The following ITGA2 variants were observed in gnomAD, a reference collection of about 807,000 sequenced individuals.
The protein encoded by ITGA2 is integrin alpha-2.
ITGA2 carries 101 observed loss-of-function variants against 146.3 expected under a neutral mutation model. That is an observed-to-expected ratio of 0.69 (90% CI 0.59 to 0.81). The LOEUF (loss-of-function observed/expected upper bound fraction) is 0.81. ITGA2 is among the 40% of genes least tolerant of loss of function. The pLI, the probability that ITGA2 is intolerant of heterozygous loss-of-function variation, is 0.00. For synonymous variants in ITGA2, 477 were observed against 487.1 expected, an observed-to-expected ratio of 0.98 and a Z score of 0.27; for missense variants, 1,281 against 1,402.7, an observed-to-expected ratio of 0.91 and a Z score of 1.39.
intron 16 of ITGA2, among the ~76,000 whole-genome samples, chr5:53,069,131 A>C (rs1745271520): frequency 6.6e-6 from 1 of 151,882 alleles, no homozygotes; most frequent in African/African-American, 2.4e-5. Context: ...TATTGAAAAT[A>C]ATAAAGTAAG....
At chr5:53,047,915 A>G (rs1280791464) in intron 4 of ITGA2, among the ~76,000 whole-genome samples, 3 of 152,202 alleles carry the variant, frequency 2.0e-5, no homozygotes, top group Admixed American at 6.5e-5. Flanking sequence ...AGTGTTTTGT[A>G]TCTATAGACC....
At chr5:53,018,328 G>T (rs1047443520) in intron 1 of ITGA2, among the ~76,000 whole-genome samples, 1 of 152,148 alleles carries the variant, frequency 6.6e-6, no homozygotes, top group Non-Finnish European at 1.5e-5. Flanking sequence ...AGCTGTCTTT[G>T]TGTCAGCTCA....
At chr5:53,015,124 T>C (rs765374177) in intron 1 of ITGA2, among the ~76,000 whole-genome samples, 2 of 152,184 alleles carry the variant, frequency 1.3e-5, no homozygotes, top group Non-Finnish European at 2.9e-5. Flanking sequence ...TGGTTATATG[T>C]TGCTTTCTGC....
At chr5:52,996,341 C>G (rs1423155667) in intron 1 of ITGA2, among the ~76,000 whole-genome samples, 6 of 152,052 alleles carry the variant, frequency 3.9e-5, no homozygotes, top group Admixed American at 3.9e-4. Flanking sequence ...AGGGGAGGAG[C>G]TTTGATGACT....
intron 1 of ITGA2, among the ~76,000 whole-genome samples, chr5:53,021,599 A>G (rs564340554): frequency 1.1e-4 from 17 of 152,300 alleles, no homozygotes; most frequent in Non-Finnish European, 2.4e-4. Context: ...CTAGTTGCTC[A>G]CTATCCTCTG....
At chr5:53,042,284 A>G (rs760289286) in intron 3 of ITGA2, 63 bp downstream of exon 3, 8 of 1,032,420 alleles carry the variant, frequency 7.7e-6, no homozygotes, top group African/African-American at 1.6e-5. Flanking sequence ...AAATAACATC[A>G]GAACAATCAT....
chr5:53,060,596 T>C (rs112829225), intron 11 of ITGA2, among the ~76,000 whole-genome samples: 40 of 152,046 alleles, frequency 2.6e-4, no homozygotes, highest in African/African-American at 9.4e-4. Context: ...AATACATTTA[T>C]TCATTCGTTC....
intron 1 of ITGA2, among the ~76,000 whole-genome samples, chr5:53,010,839 G>A (rs1742088453): frequency 6.6e-6 from 1 of 152,116 alleles, no homozygotes; most frequent in African/African-American, 2.4e-5. Flanking sequence ...TGGTGGTTAA[G>A]GATCTTGAGA....
In ITGA2 at chr5:53,075,370, A is replaced by G. The variant is rs531571729; in HGVS notation, c.2825+66A>G. 1.0e-5 allele frequency: 13 copies of G among 1,287,860 alleles called. No homozygotes were observed. In the Admixed American group the frequency reaches 1.9e-4, roughly 19 times the overall value. 79.8% of individuals were successfully genotyped at this position (1,287,860 alleles called of 1,614,324 possible). ...CTCTAGATCAGAAGATTTTTGGCTC[A>G]TGGCTAAAGAAGTCCTCTGTATGCT... On this transcript the variant is annotated intron_variant, in intron 23 of 29. Coordinates refer to ENST00000296585, the MANE Select transcript of ITGA2 (RefSeq NM_002203.4).
rs7737412 is a variant in ITGA2 at position 53,093,763 on chromosome 5, G to A, written c.*3164G>A. On this transcript the variant is annotated 3_prime_UTR_variant, in exon 30 of 30. Transcript: ENST00000296585. ...TATTCAAATTTCCATTTCATAAATG[G>A]TGTACAGACAAGGTCTATAGAATGT... The A allele has an allele frequency of 0.11, 16,912 of 152,500 alleles. 1,143 individuals are homozygous for A. The highest frequency in any genetic ancestry group is 0.18 in the African/African-American group (7,650 of 41,504). 9.4% of individuals were successfully genotyped at this position (152,500 alleles called of 1,614,324 possible).
At chr5:53,003,459 G>T (rs897781006) in intron 1 of ITGA2, among the ~76,000 whole-genome samples, 2 of 152,078 alleles carry the variant, frequency 1.3e-5, no homozygotes, top group African/African-American at 4.8e-5. Flanking sequence ...CATCTCACTC[G>T]AAGTCTCTCA....
chr5:53,073,966 A>AC (rs1745528704), intron 20 of ITGA2, among the ~76,000 whole-genome samples: 1 of 148,306 alleles, frequency 6.7e-6, no homozygotes, highest in South Asian at 2.1e-4. Context: ...AAAAAAAAAA[A>AC]CCCTCAAATT....
chr5:53,021,055 T>A (rs960846026), intron 1 of ITGA2, among the ~76,000 whole-genome samples: 3 of 152,138 alleles, frequency 2.0e-5, no homozygotes, highest in African/African-American at 7.2e-5. Context: ...ACACTCACAA[T>A]TGTACTGTTT....
At chr5:53,056,792 G>C (rs908388017) in intron 9 of ITGA2, among the ~76,000 whole-genome samples, 6 of 151,598 alleles carry the variant, frequency 4.0e-5, no homozygotes, top group African/African-American at 1.5e-4. Flanking sequence ...CTCACTGTGT[G>C]GGGGACTAGC....
chr5:53,083,950 C>G (rs985413913), intron 27 of ITGA2, among the ~76,000 whole-genome samples: 2 of 152,188 alleles, frequency 1.3e-5, no homozygotes, highest in Non-Finnish European at 2.9e-5. Context: ...CAGGTCATCA[C>G]CCTGCTCTCC....
intron 18 of ITGA2, among the ~76,000 whole-genome samples, chr5:53,072,344 A>C (rs1264448697): frequency 6.6e-6 from 1 of 151,668 alleles, no homozygotes; most frequent in African/African-American, 2.4e-5. Flanking sequence ...TTGTGCTCAT[A>C]CTCAAAAAAT....
chr5:53,055,402 T>G (rs886179735), intron 7 of ITGA2, 136 bp from the exon 8 acceptor site: 43 of 749,576 alleles, frequency 5.7e-5, no homozygotes, highest in Non-Finnish European at 8.5e-5. Context: ...ACATTAAATA[T>G]GTCCTCAGAA....
intron 14 of ITGA2, 32 bp from the exon 15 acceptor site, chr5:53,065,809 A>T: frequency 6.2e-7 from 1 of 1,611,342 alleles, no homozygotes; most frequent in South Asian, 1.1e-5. Flanking sequence ...GCTGTTGTGT[A>T]CTATAATTTC....
At chr5:52,996,746 T>A (rs1397787675) in intron 1 of ITGA2, among the ~76,000 whole-genome samples, 1 of 152,220 alleles carries the variant, frequency 6.6e-6, no homozygotes, top group Non-Finnish European at 1.5e-5. Context: ...AGTGCGTTAG[T>A]CAGATTTCCT....
Sources: allele counts gnomAD v4.1 joint callset (sites outside exome capture counted in the v4.1 genomes callset), GRCh38; gene constraint gnomAD v4.1.1; transcripts MANE v1.5; gene names NCBI Gene and HGNC (gene_info 2026-07-23, HGNC 2026-07-21).